Variants in AGBL1 observed in about 807,000 individuals in gnomAD.
AGBL1 encodes cytosolic carboxypeptidase 4.
A neutral mutation model predicts 118.9 loss-of-function variants in AGBL1; 130 were observed. That is an observed-to-expected ratio of 1.09 (90% CI 0.95 to 1.26). AGBL1 has a LOEUF of 1.26. Among genes scored for constraint, AGBL1 ranks in the 50% most tolerant of loss-of-function variants. AGBL1 has a pLI of 0.00. For synonymous variants in AGBL1, 555 were observed against 478.9 expected (o/e 1.16, Z -2.08); for missense variants, 1,584 against 1,298.1 (o/e 1.22, Z -3.38).
chr15:86,847,815 C>T (rs990561028), intron 22 of AGBL1, among the ~76,000 whole-genome samples: 1 of 152,166 alleles, frequency 6.6e-6, no homozygotes, highest in African/African-American at 2.4e-5. Context: ...AATGTGTGCA[C>T]AGCTTTCCAG....
chr15:86,307,452 A>C (rs1361000545), intron 17 of AGBL1, among the ~76,000 whole-genome samples: 2 of 151,866 alleles, frequency 1.3e-5, no homozygotes, highest in Non-Finnish European at 2.9e-5. Flanking sequence ...CTTAATTTTC[A>C]TGGAATCTAA....
chr15:86,112,297 T>C (rs1335725084), intron 1 of AGBL1, among the ~76,000 whole-genome samples: 1 of 152,144 alleles, frequency 6.6e-6, no homozygotes, highest in Admixed American at 6.5e-5. Context: ...GATAACGATG[T>C]ATGGGCGTTT....
At chr15:86,795,749 T>A (rs2078561248) in intron 22 of AGBL1, among the ~76,000 whole-genome samples, 1 of 151,506 alleles carries the variant, frequency 6.6e-6, no homozygotes, top group Admixed American at 6.6e-5. Context: ...AACACCCAGC[T>A]AATTTTTTGT....
intron 22 of AGBL1, among the ~76,000 whole-genome samples, chr15:86,701,739 C>G (rs1056484357): frequency 7.0e-6 from 1 of 142,260 alleles, no homozygotes; most frequent in African/African-American, 2.6e-5. Context: ...CCACTCCTCT[C>G]TCCTTCCTTT....
At chr15:86,282,915 T>G (rs1158173110) in intron 16 of AGBL1, among the ~76,000 whole-genome samples, 1 of 152,242 alleles carries the variant, frequency 6.6e-6, no homozygotes, top group Non-Finnish European at 1.5e-5. Flanking sequence ...AGGACTTGTA[T>G]GTTGAATGTT....
chr15:86,464,317 T>C (rs1193602199), intron 18 of AGBL1, among the ~76,000 whole-genome samples: 1 of 152,190 alleles, frequency 6.6e-6, no homozygotes, highest in Admixed American at 6.5e-5. Context: ...TGAAGTTGCT[T>C]ATGAGCTTAA....
At chr15:86,797,239 C>T (rs1306820556) in intron 22 of AGBL1, among the ~76,000 whole-genome samples, 3 of 152,164 alleles carry the variant, frequency 2.0e-5, no homozygotes, top group African/African-American at 7.2e-5. Flanking sequence ...TAATGAAGAC[C>T]TCAGTTAAAC....
At chr15:86,919,753 T>C (rs1224965529), downstream of AGBL1, among the ~76,000 whole-genome samples, 1 of 152,236 alleles carries the variant, frequency 6.6e-6, no homozygotes, top group African/African-American at 2.4e-5. Context: ...GCAAGCTCTC[T>C]CACGATGTTT....
rs140360460 is a variant in AGBL1, at chr15:86,274,095, G to A, written c.2075+2389G>A. ...ATGCATTACTATACTAATATATTAT[G>A]CACCTAAGAAAGCATGTAAAAAATG... On this transcript the variant is annotated intron_variant, in intron 15 of 22. Transcript: ENST00000614907. Among the ~76,000 whole-genome samples the A allele has an allele frequency of 6.4e-3, 972 of 152,154 alleles. 14 individuals are homozygous for A. The highest frequency in any genetic ancestry group is 0.022 in the African/African-American group (932 of 41,502).
intron 18 of AGBL1, among the ~76,000 whole-genome samples, chr15:86,457,337 C>A (rs1370753690): frequency 6.6e-6 from 1 of 152,170 alleles, no homozygotes; most frequent in African/African-American, 2.4e-5. Flanking sequence ...AGTTGACACA[C>A]TAATTTTTCC....
chr15:86,277,007 C>G (rs2079263273), intron 15 of AGBL1, among the ~76,000 whole-genome samples: 1 of 152,168 alleles, frequency 6.6e-6, no homozygotes, highest in African/African-American at 2.4e-5. Flanking sequence ...ACAACTCCTG[C>G]TACAAGGTGG....
chr15:86,709,340 A>AG (rs2086512971), intron 22 of AGBL1, among the ~76,000 whole-genome samples: 1 of 151,696 alleles, frequency 6.6e-6, no homozygotes, highest in African/African-American at 2.4e-5. Flanking sequence ...TTTAGGAGGA[A>AG]TTTTTCAAAA....
At chr15:86,128,212 C>G (rs573176738) in intron 1 of AGBL1, among the ~76,000 whole-genome samples, 1 of 152,090 alleles carries the variant, frequency 6.6e-6, no homozygotes, top group African/African-American at 2.4e-5. Context: ...AGTCTTCACA[C>G]TCATGGCAGA....
At chr15:86,201,350 C>T (rs569494738) in intron 5 of AGBL1, among the ~76,000 whole-genome samples, 22 of 152,128 alleles carry the variant, frequency 1.4e-4, no homozygotes, top group Non-Finnish European at 2.5e-4. Context: ...AGGAAGGCAA[C>T]CTTGGGTAGG....
intron 24 of AGBL1, among the ~76,000 whole-genome samples, chr15:87,024,019 C>A (rs560689807): frequency 4.9e-4 from 75 of 152,034 alleles, no homozygotes; most frequent in African/African-American, 1.8e-3. Context: ...TAAATACCTA[C>A]ATCAAAAAGT....
intron 17 of AGBL1, among the ~76,000 whole-genome samples, chr15:86,302,456 C>T (rs577182729): frequency 6.6e-6 from 1 of 151,942 alleles, no homozygotes; most frequent in South Asian, 2.1e-4. Context: ...TATGCAGAAG[C>T]AAGGAGACCT....
intron 21 of AGBL1, among the ~76,000 whole-genome samples, chr15:86,574,920 G>C (rs922180676): frequency 3.9e-5 from 6 of 151,926 alleles, no homozygotes; most frequent in African/African-American, 1.4e-4. Context: ...GCTGGGCGTG[G>C]TGACTCACAC....
intron 17 of AGBL1, among the ~76,000 whole-genome samples, chr15:86,317,342 A>G (rs1362290599): frequency 1.3e-5 from 2 of 152,210 alleles, no homozygotes; most frequent in African/African-American, 4.8e-5. Context: ...GGAAAACAAT[A>G]TCCTATCCGC....
chr15:86,689,307 C>T (rs1429183039), intron 22 of AGBL1, among the ~76,000 whole-genome samples: 2 of 152,046 alleles, frequency 1.3e-5, no homozygotes, highest in Admixed American at 6.6e-5. Flanking sequence ...GACCACATTG[C>T]CTAAAGTAGC....
Sources: allele counts gnomAD v4.1 joint callset (sites outside exome capture counted in the v4.1 genomes callset), GRCh38; gene constraint gnomAD v4.1.1; transcripts MANE v1.5; gene names NCBI Gene and HGNC (gene_info 2026-07-23, HGNC 2026-07-21).